CNTNAP4: variants seen among roughly 807,000 people sequenced by gnomAD.
The protein encoded by CNTNAP4 is contactin-associated protein-like 4.
CNTNAP4 carries 98 observed loss-of-function variants against 148.4 expected under a neutral mutation model. The observed-to-expected ratio is 0.66, with a 90% confidence interval of 0.56 to 0.78. The LOEUF (loss-of-function observed/expected upper bound fraction) is 0.78. Ranked by LOEUF, CNTNAP4 falls within the 30% of genes least tolerant of loss-of-function variation. The probability of loss-of-function intolerance (pLI) is 0.00; values close to 1 mark genes in which losing one functional copy is unlikely to be tolerated. For synonymous variants in CNTNAP4, 730 were observed against 565.1 expected (o/e 1.29, Z -4.14); for missense variants, 1,935 against 1,565.6 (o/e 1.24, Z -3.98).
At chr16:76,491,267 G>T (rs12443761) in intron 13 of CNTNAP4, among the ~76,000 whole-genome samples, 24,545 of 152,088 alleles carry the variant, frequency 0.16, 2,546 homozygotes, top group Admixed American at 0.3. Context: ...TGCAAATGAG[G>T]ATCAGACAGT....
At chr16:76,436,661 A>T (rs1009761632) in intron 4 of CNTNAP4, among the ~76,000 whole-genome samples, 2 of 152,128 alleles carry the variant, frequency 1.3e-5, no homozygotes, top group Non-Finnish European at 2.9e-5. Context: ...GGTTCTCCAC[A>T]TATGGTCAAA....
intron 2 of CNTNAP4, among the ~76,000 whole-genome samples, chr16:76,333,779 G>GTTTTTTTTTTTTTTT (rs549878036): frequency 3.7e-4 from 17 of 45,602 alleles, no homozygotes; most frequent in East Asian, 6.7e-4. Context: ...TGGGTTATAG[G>GTTTTTTTTTTTTTTT]TTTTTTTTTT....
In CNTNAP4 at chr16:76,452,524, C is replaced by G; in HGVS notation, c.1088C>G (p.Ser363Cys). 1.2e-6 allele frequency: 2 copies of G among 1,613,940 alleles called. No homozygotes were observed. Residue 363 changes from serine to cysteine, a missense_variant, in exon 8 of 24, where the codon TCT becomes TGT. Coordinates refer to ENST00000611870, the MANE Select transcript of CNTNAP4 (RefSeq NM_033401.5). ...TATTCTCAGGGAAATGTGTCATTTT[C>G]TTGTTCACAACCACAATCTATGCCC... is the stretch of plus-strand genomic sequence containing the variant. The part of the protein sequence containing the change: ...QIIAMGNVSF[S>C]CSQPQSMPVT...
At chr16:76,443,334 A>G (rs1454754545) in intron 4 of CNTNAP4, among the ~76,000 whole-genome samples, 2 of 152,178 alleles carry the variant, frequency 1.3e-5, no homozygotes, top group Non-Finnish European at 2.9e-5. Context: ...ATTTTATAAT[A>G]CTTCTACTTT....
At chr16:76,476,381 T>G (rs556138285) in intron 11 of CNTNAP4, among the ~76,000 whole-genome samples, 8 of 152,310 alleles carry the variant, frequency 5.3e-5, no homozygotes, top group African/African-American at 1.9e-4. Context: ...AGTGGAAACA[T>G]GCTCAGTTAC....
chr16:76,302,400 A>T (rs954120806), intron 1 of CNTNAP4, among the ~76,000 whole-genome samples: 1 of 152,092 alleles, frequency 6.6e-6, no homozygotes, highest in African/African-American at 2.4e-5. Context: ...ACCTCCGTTT[A>T]TGGGCTTGCT....
chr16:76,312,329 T>A (rs1032108140), intron 1 of CNTNAP4, among the ~76,000 whole-genome samples: 1 of 152,202 alleles, frequency 6.6e-6, no homozygotes, highest in Non-Finnish European at 1.5e-5. Context: ...AGGGTGAAAT[T>A]ACCTCTGGTT....
chr16:76,492,981 T>G (rs1220116517), intron 13 of CNTNAP4, among the ~76,000 whole-genome samples: 1 of 151,962 alleles, frequency 6.6e-6, no homozygotes, highest in Non-Finnish European at 1.5e-5. Flanking sequence ...CCCTGGTCTT[T>G]CAGGCTCAAT....
At chr16:76,551,604 G>A (rs2084955696) in intron 21 of CNTNAP4, among the ~76,000 whole-genome samples, 1 of 152,140 alleles carries the variant, frequency 6.6e-6, no homozygotes, top group Non-Finnish European at 1.5e-5. Context: ...CAGAGGTCCA[G>A]TAATGCCAAC....
chr16:76,314,867 C>G (rs1961537520), intron 1 of CNTNAP4, among the ~76,000 whole-genome samples: 1 of 152,078 alleles, frequency 6.6e-6, no homozygotes, highest in Non-Finnish European at 1.5e-5. Flanking sequence ...GCTTTTTTCT[C>G]AAGGTAACCA....
At chr16:76,372,262 C>G (rs1338318952) in intron 3 of CNTNAP4, among the ~76,000 whole-genome samples, 1 of 151,410 alleles carries the variant, frequency 6.6e-6, no homozygotes. Context: ...GCCTCAGCCT[C>G]CCGAGTACCT....
intron 1 of CNTNAP4, among the ~76,000 whole-genome samples, chr16:76,305,776 C>T (rs1466156218): frequency 6.6e-6 from 1 of 152,066 alleles, no homozygotes; most frequent in Non-Finnish European, 1.5e-5. Flanking sequence ...AGACTAGCAC[C>T]CAACAGGTAG....
chr16:76,518,985 TC>T, intron 15 of CNTNAP4, among the ~76,000 whole-genome samples: 1 of 152,108 alleles, frequency 6.6e-6, no homozygotes, highest in African/African-American at 2.4e-5. Context: ...CCTGCTGAGC[TC>T]TGTTTCCTCC....
chr16:76,398,199 A>C (rs1162413462), intron 3 of CNTNAP4, among the ~76,000 whole-genome samples: 1 of 151,088 alleles, frequency 6.6e-6, no homozygotes, highest in Non-Finnish European at 1.5e-5. Flanking sequence ...GCCTGCTTTT[A>C]TTCTGGCCAT....
At chr16:76,370,059 C>T (rs748928230) in intron 3 of CNTNAP4, among the ~76,000 whole-genome samples, 11 of 152,134 alleles carry the variant, frequency 7.2e-5, no homozygotes, top group Admixed American at 4.6e-4. Flanking sequence ...TACACCTTTA[C>T]CTAGTCATGT....
intron 21 of CNTNAP4, 53 bp downstream of exon 21, chr16:76,540,843 C>A: frequency 7.8e-7 from 1 of 1,277,372 alleles, no homozygotes; most frequent in Non-Finnish European, 1.1e-6. Context: ...GATACATAAG[C>A]ATGGATCAGA....
chr16:76,527,595 T>C (rs2083796702), intron 17 of CNTNAP4, among the ~76,000 whole-genome samples: 1 of 152,212 alleles, frequency 6.6e-6, no homozygotes, highest in African/African-American at 2.4e-5. Flanking sequence ...CATGACTTTA[T>C]TCTTCTAATA....
Position 76,355,466 on chromosome 16 carries a change from T to C in CNTNAP4, c.345T>C (p.Asp115=). The change falls in exon 3 of 24, where the codon GAT becomes GAC. Residue 115 remains aspartate (D), a synonymous_variant. Transcript: ENST00000611870. ...CCAGCTACCTCCTGATGTTCAGTGA[T>C]AGTGGCTGGAACTGGAAACAATATC... ...WVTSYLLMFS[D]SGWNWKQYRQ... The C allele has an allele frequency of 1.9e-6, 3 of 1,612,824 alleles. No homozygotes were observed. Among genetic ancestry groups the C allele is most frequent in the East Asian group, 2.2e-5 (1 of 44,748 alleles).
In CNTNAP4 at chr16:76,277,499, A is replaced by T. The variant is rs951270294; in HGVS notation, c.-164A>T. On this transcript the variant is annotated 5_prime_UTR_variant, in exon 1 of 24. Transcript: ENST00000611870. ...GAGAGGGAGAGAGAAGAGAGGGAGG[A>T]GGGAAGAAGAAAAGACGGAGGGAGG... is the stretch of plus-strand genomic sequence containing the variant. 3.4e-6 allele frequency: 2 copies of T among 583,440 alleles called. No individual in the cohort carries two copies. The highest frequency in any genetic ancestry group is 3.0e-6 in the Non-Finnish European group (1 of 329,462). 36.1% of individuals were successfully genotyped at this position (583,440 alleles called of 1,614,324 possible). A position where few individuals can be genotyped will look rare whatever the true frequency, so the allele number is the denominator to read the frequency against.
Sources: gnomAD v4.1 joint callset for allele counts (sites outside exome capture counted in the v4.1 genomes callset) on GRCh38, gnomAD v4.1.1 for gene constraint, MANE v1.5 for transcripts, NCBI Gene and HGNC (gene_info 2026-07-23, HGNC 2026-07-21) for gene names.